FOXK2: variants seen among roughly 807,000 people sequenced by gnomAD.
The protein encoded by FOXK2 is forkhead box protein K2.
A neutral mutation model predicts 53.3 loss-of-function variants in FOXK2; 24 were observed. The ratio of observed to expected loss-of-function variants is 0.45; its 90% CI spans 0.33 to 0.63. FOXK2 has a LOEUF of 0.63. FOXK2 is among the 30% of genes least tolerant of loss of function. The pLI, the probability that FOXK2 is intolerant of heterozygous loss-of-function variation, is 0.03. For synonymous variants in FOXK2, 505 were observed against 407.1 expected (o/e 1.24, Z -2.89); for missense variants, 952 against 910.5 (o/e 1.05, Z -0.59).
In FOXK2 at chr17:82,601,904, A is replaced by G. The variant is rs2045391299; in HGVS notation, c.*405A>G. On this transcript the variant is annotated 3_prime_UTR_variant, in exon 9 of 9. Transcript: ENST00000335255. ...ACAGGACCCACCAGGCAGCGGAGAC[A>G]TGTGGAATTAGAGTATTTTGAGGTG... The G allele has an allele frequency of 5.8e-6, 1 of 173,404 alleles. No homozygotes were observed. The highest frequency in any genetic ancestry group is 1.2e-5 in the Non-Finnish European group (1 of 80,518). The allele number at this position is 173,404 out of a possible 1,614,324, so 10.7% of individuals were successfully genotyped here.
At chr17:82,555,128 T>G (rs1203749316) in intron 1 of FOXK2, among the ~76,000 whole-genome samples, 1 of 152,198 alleles carries the variant, frequency 6.6e-6, no homozygotes, top group Non-Finnish European at 1.5e-5. Flanking sequence ...CTCATCAGCC[T>G]AGTGTCTTCC....
Position 82,571,876 on chromosome 17 carries a change from T to C in FOXK2, c.909+6T>C. ...CTGCGGACAAGGGCTGGCAGGTAAA[T>C]GCCTTCAGTTTGTTGTTAAATAGAG... On this transcript the variant is annotated splice_donor_region_variant and intron_variant, in intron 4 of 8. Coordinates refer to ENST00000335255, the MANE Select transcript of FOXK2 (RefSeq NM_004514.4). The C allele has an allele frequency of 1.3e-6, 2 of 1,544,088 alleles. No individual in the cohort carries two copies. The highest frequency in any genetic ancestry group is 8.7e-7 in the Non-Finnish European group (1 of 1,151,654).
At chr17:82,527,445 A>T (rs568156301) in intron 1 of FOXK2, among the ~76,000 whole-genome samples, 38 of 152,116 alleles carry the variant, frequency 2.5e-4, no homozygotes, top group African/African-American at 8.9e-4. Context: ...CCTGGCCAAC[A>T]TGGCGAAACT....
At position 82,522,983 on chromosome 17, in the gene FOXK2, TG is replaced by T. The variant is rs1342703405; in HGVS notation, c.419+2680del. On this transcript the variant is annotated intron_variant, in intron 1 of 8. Transcript: ENST00000335255. ...CTAATTTTTGTATTTTTAGTAGAGA[TG>T]GGGTTTTACCATGTTGGCCAGGATG... is the stretch of plus-strand genomic sequence containing the variant. Among the ~76,000 whole-genome samples, 6 of 151,020 alleles carry T rather than the reference TG, an allele frequency of 4.0e-5. No homozygotes were observed. The East Asian group carries it at 1.0e-3, about 25-fold the overall frequency.
In FOXK2 at chr17:82,571,860, A is replaced by G. The variant is rs1052477828; in HGVS notation, c.899A>G (p.Lys300Arg). Residue 300 changes from lysine to arginine, a missense_variant, in exon 4 of 9, where the codon AAG becomes AGG. Coordinates refer to ENST00000335255, the MANE Select transcript of FOXK2 (RefSeq NM_004514.4). Reference protein sequence around the residue: ...KNYPYYRTADKGWQNSIRHNL... With the variant: ...KNYPYYRTADRGWQNSIRHNL... ...TATCCCTACTACAGGACTGCGGACA[A>G]GGGCTGGCAGGTAAATGCCTTCAGT... 7 of 1,560,222 alleles carry G rather than the reference A, an allele frequency of 4.5e-6. No homozygotes were observed. Among genetic ancestry groups the G allele is most frequent in the Non-Finnish European group, 4.3e-6 (5 of 1,158,716 alleles).
intron 3 of FOXK2, among the ~76,000 whole-genome samples, chr17:82,570,557 C>CTATG (rs1054564339): frequency 5.3e-5 from 8 of 152,220 alleles, no homozygotes; most frequent in African/African-American, 1.9e-4. Context: ...GCGGCCTGTG[C>CTATG]TATGGAAGCC....
chr17:82,597,846 C>T (rs2045332586), intron 8 of FOXK2, among the ~76,000 whole-genome samples: 1 of 152,172 alleles, frequency 6.6e-6, no homozygotes, highest in South Asian at 2.1e-4. Context: ...GACGGGGTTG[C>T]ACCACGTTGG....
At chr17:82,570,549 G>A (rs930557900) in intron 3 of FOXK2, among the ~76,000 whole-genome samples, 1 of 152,156 alleles carries the variant, frequency 6.6e-6, no homozygotes, top group South Asian at 2.1e-4. Flanking sequence ...CGCTGAACGC[G>A]GCCTGTGCTA....
At chr17:82,535,034 C>T (rs1185493143) in intron 1 of FOXK2, among the ~76,000 whole-genome samples, 1 of 152,168 alleles carries the variant, frequency 6.6e-6, no homozygotes, top group Non-Finnish European at 1.5e-5. Flanking sequence ...TGCCTGCCAC[C>T]ACACCTGGCT....
intron 1 of FOXK2, among the ~76,000 whole-genome samples, chr17:82,555,785 G>T (rs1273477198): frequency 6.6e-6 from 1 of 150,422 alleles, no homozygotes; most frequent in Non-Finnish European, 1.5e-5. Context: ...CTACTCGGGA[G>T]GCTGAGGCAG....
chr17:82,581,634 C>T (rs927637015), intron 4 of FOXK2, among the ~76,000 whole-genome samples: 1 of 152,132 alleles, frequency 6.6e-6, no homozygotes, highest in Non-Finnish European at 1.5e-5. Flanking sequence ...CGCCACTACG[C>T]CCCGCTAATT....
chr17:82,587,502 A>T (rs1029370742), intron 8 of FOXK2: 17 of 556,230 alleles, frequency 3.1e-5, no homozygotes, highest in Admixed American at 6.1e-5. Flanking sequence ...TTTCTAATAC[A>T]TTGAGAGGGA....
chr17:82,541,688 G>A (rs771056992), intron 1 of FOXK2, among the ~76,000 whole-genome samples: 1 of 151,520 alleles, frequency 6.6e-6, no homozygotes, highest in African/African-American at 2.4e-5. Flanking sequence ...GAACTGCATT[G>A]TACCTGTTTC....
rs541753483 is a variant in FOXK2 at position 82,586,072 on chromosome 17, C to G, written c.1448C>G (p.Thr483Ser). The change falls in exon 7 of 9, where the codon ACC becomes AGC. Residue 483 changes from threonine (T) to serine (S), a missense_variant. By Grantham distance (58) the Thr-to-Ser change is moderately conservative. This residue lies in a region of FOXK2 where 551 missense variants were observed against 385.1 expected (regional missense o/e 1.43). Transcript: ENST00000335255. ...VVHQIPAVSVTSVAGLAPANT... is the reference protein window; with the variant it reads ...VVHQIPAVSVSSVAGLAPANT... The stretch of plus-strand genomic sequence containing the variant: ...CACCAGATCCCAGCGGTGTCGGTCA[C>G]CAGTGTGGCCGGACTGGCCCCAGCG... 41 of 1,612,800 alleles carry G rather than the reference C, an allele frequency of 2.5e-5. No individual in the cohort carries two copies. In the East Asian group the frequency reaches 8.0e-4, roughly 32 times the overall value.
At chr17:82,562,571 ACT>A (rs1491210878) in intron 1 of FOXK2, among the ~76,000 whole-genome samples, 11 of 149,712 alleles carry the variant, frequency 7.3e-5, no homozygotes, top group African/African-American at 2.7e-4. Flanking sequence ...CAAGAACGAA[ACT>A]CTGTTTCTAA....
At position 82,604,389 on chromosome 17, in the gene FOXK2, A is replaced by T. The variant is rs9903168; in HGVS notation, c.*2890A>T. 0.039 allele frequency: 5,897 copies of T among 152,404 alleles called. 160 individuals are homozygous for T. The highest frequency in any genetic ancestry group is 0.07 in the African/African-American group (2,904 of 41,402). The allele number at this position is 152,404 out of a possible 1,614,324, so 9.4% of individuals were successfully genotyped here. On this transcript the variant is annotated 3_prime_UTR_variant, in exon 9 of 9. Transcript: ENST00000335255. The stretch of plus-strand genomic sequence containing the variant: ...TCCGTCATTGTCCTCCGCTAGAATA[A>T]CAGAGTAGTTGGTAGTCATGGCCAG...
At chr17:82,520,662 G>A (rs2044352215) in intron 1 of FOXK2, among the ~76,000 whole-genome samples, 1 of 152,248 alleles carries the variant, frequency 6.6e-6, no homozygotes. Context: ...GAACAGAAAT[G>A]TGAAAACGGT....
chr17:82,585,091 C>G (rs2045117591), intron 6 of FOXK2, among the ~76,000 whole-genome samples: 1 of 152,234 alleles, frequency 6.6e-6, no homozygotes, highest in African/African-American at 2.4e-5. Context: ...GTCTCCCTCT[C>G]TTTGCTCTAA....
At chr17:82,530,465 A>AG (rs1412554424) in intron 1 of FOXK2, among the ~76,000 whole-genome samples, 12 of 126,284 alleles carry the variant, frequency 9.5e-5, no homozygotes, top group African/African-American at 1.6e-4. Context: ...AAAAAAAAAA[A>AG]AGAGAGAGAA....
Sources: allele counts gnomAD v4.1 joint callset (sites outside exome capture counted in the v4.1 genomes callset), GRCh38; gene constraint gnomAD v4.1.1; regional missense constraint gnomAD v4.1.1; transcripts MANE v1.5; gene names NCBI Gene and HGNC (gene_info 2026-07-23, HGNC 2026-07-21).